ZNF438: variants seen among roughly 807,000 people sequenced by gnomAD.
The protein encoded by ZNF438 is zinc finger protein 438.
A neutral mutation model predicts 38.0 loss-of-function variants in ZNF438; 25 were observed. That is an observed-to-expected ratio of 0.66 (90% CI 0.48 to 0.92). ZNF438 has a LOEUF of 0.92. Among genes scored for constraint, ZNF438 ranks in the 40% least tolerant of loss-of-function variants. ZNF438 has a pLI of 0.00. For synonymous variants in ZNF438, 372 were observed against 364.1 expected (o/e 1.02, Z -0.25); for missense variants, 1,007 against 999.6 (o/e 1.01, Z -0.10).
chr10:30,932,610 C>T (rs1280880902), intron 2 of ZNF438, among the ~76,000 whole-genome samples: 1 of 152,148 alleles, frequency 6.6e-6, no homozygotes, highest in East Asian at 1.9e-4. Context: ...CAGCACTCTG[C>T]CTCAAGGAAC....
chr10:30,873,295 C>A (rs932194589), intron 4 of ZNF438, among the ~76,000 whole-genome samples: 3 of 152,124 alleles, frequency 2.0e-5, no homozygotes, highest in African/African-American at 7.2e-5. Context: ...AAAGGAATAA[C>A]GGTGACACTA....
At chr10:30,908,177 A>G (rs561576786) in intron 3 of ZNF438, among the ~76,000 whole-genome samples, 83 of 152,202 alleles carry the variant, frequency 5.5e-4, no homozygotes, top group Non-Finnish European at 8.2e-4. Flanking sequence ...ATATTTGTGC[A>G]TTTCCCAAAT....
intron 1 of ZNF438, among the ~76,000 whole-genome samples, chr10:30,981,126 C>G (rs2052082301): frequency 1.3e-5 from 2 of 152,166 alleles, no homozygotes. Context: ...CCCAGAGCTG[C>G]CAAAAGTTCT....
chr10:30,960,234 A>G (rs2049317418), intron 1 of ZNF438, among the ~76,000 whole-genome samples: 1 of 147,308 alleles, frequency 6.8e-6, no homozygotes, highest in South Asian at 2.2e-4. Flanking sequence ...CTATCTTTTC[A>G]GTTTCTTCCC....
chr10:30,948,959 A>G (rs1303973062), intron 1 of ZNF438, among the ~76,000 whole-genome samples: 1 of 152,228 alleles, frequency 6.6e-6, no homozygotes, highest in African/African-American at 2.4e-5. Context: ...CAGATTCACC[A>G]GAGTTGAAAT....
At chr10:30,892,656 C>T (rs1203967177) in intron 3 of ZNF438, among the ~76,000 whole-genome samples, 2 of 152,022 alleles carry the variant, frequency 1.3e-5, no homozygotes, top group Non-Finnish European at 2.9e-5. Flanking sequence ...TCTATTCCCC[C>T]AATTCCCCTC....
intron 3 of ZNF438, among the ~76,000 whole-genome samples, chr10:30,893,178 C>T (rs2040909415): frequency 6.6e-6 from 1 of 152,280 alleles, no homozygotes; most frequent in South Asian, 2.1e-4. Context: ...AGGAATTTTT[C>T]AATCAAATAC....
intron 2 of ZNF438, among the ~76,000 whole-genome samples, chr10:30,913,158 C>T (rs902562763): frequency 6.6e-6 from 1 of 152,052 alleles, no homozygotes; most frequent in Non-Finnish European, 1.5e-5. Flanking sequence ...TTACAGATTG[C>T]AAATCTGGAC....
intron 1 of ZNF438, among the ~76,000 whole-genome samples, chr10:31,001,226 A>C (rs1017645087): frequency 6.6e-6 from 1 of 152,220 alleles, no homozygotes; most frequent in African/African-American, 2.4e-5. Flanking sequence ...TGTTTTAAAA[A>C]AACAACTACC....
At chr10:30,861,225 T>G (rs1490131193) in intron 4 of ZNF438, among the ~76,000 whole-genome samples, 2 of 152,188 alleles carry the variant, frequency 1.3e-5, no homozygotes, top group Non-Finnish European at 2.9e-5. Flanking sequence ...ATACCCCAAA[T>G]CACCTTTAGA....
At chr10:30,997,767 A>T (rs2054200862) in intron 1 of ZNF438, among the ~76,000 whole-genome samples, 1 of 152,166 alleles carries the variant, frequency 6.6e-6, no homozygotes. Context: ...AAAAGACATA[A>T]GAGAGACACC....
intron 1 of ZNF438, among the ~76,000 whole-genome samples, chr10:30,958,307 T>C (rs1181735921): frequency 6.8e-6 from 1 of 147,180 alleles, no homozygotes; most frequent in Non-Finnish European, 1.5e-5. Flanking sequence ...TTGATTACAC[T>C]GCACTATAAC....
chr10:30,989,297 A>T (rs996965190), intron 1 of ZNF438, among the ~76,000 whole-genome samples: 14 of 152,350 alleles, frequency 9.2e-5, no homozygotes, highest in African/African-American at 3.4e-4. Context: ...GGAGATTAGA[A>T]AGTATTTAAG....
intron 5 of ZNF438, among the ~76,000 whole-genome samples, chr10:30,847,830 G>A (rs1011612804): frequency 6.6e-6 from 1 of 152,220 alleles, no homozygotes; most frequent in Non-Finnish European, 1.5e-5. Context: ...CCTATGCGCA[G>A]TGGCCAGACC....
intron 1 of ZNF438, among the ~76,000 whole-genome samples, chr10:30,980,507 T>G (rs2052001205): frequency 6.6e-6 from 1 of 152,156 alleles, no homozygotes; most frequent in South Asian, 2.1e-4. Context: ...TGACTTTGAG[T>G]TTTTGGCCTG....
rs73254408 is a variant in ZNF438, at chr10:30,990,656, T to C, written c.-192+41177A>G. 1.9e-3 allele frequency among the ~76,000 whole-genome samples: 287 copies of C among 152,286 alleles called. 1 individual carries two copies. The highest frequency in any genetic ancestry group is 6.5e-3 in the African/African-American group (269 of 41,558). ...CAGTTCATGGACAGCTGCCAATTTATAGGAATTATAGAGGTCAGAGAAACG... is the reference window on the plus strand; with the variant it reads ...CAGTTCATGGACAGCTGCCAATTTACAGGAATTATAGAGGTCAGAGAAACG... On this transcript the variant is annotated intron_variant, in intron 1 of 5. Coordinates refer to ENST00000413025, the Ensembl canonical transcript of ZNF438.
chr10:30,894,461 G>A (rs1347104800), intron 3 of ZNF438, among the ~76,000 whole-genome samples: 1 of 152,150 alleles, frequency 6.6e-6, no homozygotes, highest in Admixed American at 6.5e-5. Context: ...CTAGTGCCCT[G>A]AAACGAGAAT....
intron 2 of ZNF438, among the ~76,000 whole-genome samples, chr10:30,938,955 C>A (rs1258128642): frequency 1.3e-5 from 2 of 152,058 alleles, no homozygotes; most frequent in Non-Finnish European, 2.9e-5. Context: ...CCACCACACC[C>A]GGCTAATTTT....
At chr10:30,923,088 TAC>T (rs1452724160) in intron 2 of ZNF438, among the ~76,000 whole-genome samples, 1 of 152,198 alleles carries the variant, frequency 6.6e-6, no homozygotes, top group Admixed American at 6.5e-5. Context: ...CTTTGCTTTC[TAC>T]AAATGATGGC....
Sources: allele counts gnomAD v4.1 joint callset (sites outside exome capture counted in the v4.1 genomes callset), GRCh38; gene constraint gnomAD v4.1.1; transcripts MANE v1.5; gene names NCBI Gene and HGNC (gene_info 2026-07-23, HGNC 2026-07-21).